The following STARD13 variants were observed in gnomAD, a reference collection of about 807,000 sequenced individuals.
The protein encoded by STARD13 is stAR-related lipid transfer protein 13.
A neutral mutation model predicts 106.4 loss-of-function variants in STARD13; 62 were observed. The ratio of observed to expected loss-of-function variants is 0.58; its 90% confidence interval spans 0.48 to 0.72. The LOEUF is 0.72. STARD13 is among the 30% of genes least tolerant of loss of function. The pLI, the probability that STARD13 is intolerant of heterozygous loss-of-function variation, is 0.00. For synonymous variants in STARD13, 565 were observed against 553.0 expected (o/e 1.02, Z -0.31); for missense variants, 1,387 against 1,424.0 (o/e 0.97, Z 0.42).
At chr13:33,284,599 T>C (rs906001415) in intron 1 of STARD13, among the ~76,000 whole-genome samples, 1 of 152,110 alleles carries the variant, frequency 6.6e-6, no homozygotes, top group African/African-American at 2.4e-5. Flanking sequence ...ACCAATATAA[T>C]AATTTCTTTT....
intron 1 of STARD13, among the ~76,000 whole-genome samples, chr13:33,306,647 C>T (rs372814010): frequency 6.6e-6 from 1 of 152,008 alleles, no homozygotes; most frequent in Admixed American, 6.6e-5. Context: ...AACAAACAAC[C>T]CCACTAAAAA....
At chr13:33,181,411 G>C (rs1428777005) in intron 1 of STARD13, among the ~76,000 whole-genome samples, 7 of 152,160 alleles carry the variant, frequency 4.6e-5, no homozygotes, top group Admixed American at 4.6e-4. Context: ...CACATTACCA[G>C]ATTGGAAACC....
At chr13:33,455,812 C>T in the STARD13 span, among the ~76,000 whole-genome samples, 21 of 151,974 alleles carry the variant, frequency 1.4e-4, no homozygotes, top group Non-Finnish European at 2.5e-4. Context: ...GGCATGGTGG[C>T]GTGCATCTGT....
At chr13:33,243,256 T>C (rs951875967) in intron 1 of STARD13, among the ~76,000 whole-genome samples, 4 of 152,200 alleles carry the variant, frequency 2.6e-5, no homozygotes, top group African/African-American at 9.7e-5. Context: ...TTACATGTTC[T>C]AAAGCTCTAA....
chr13:33,343,106 GC>G (rs1301975751), intron 1 of STARD13, among the ~76,000 whole-genome samples: 2 of 152,086 alleles, frequency 1.3e-5, no homozygotes, highest in Non-Finnish European at 2.9e-5. Flanking sequence ...TGTCTAGTAG[GC>G]ATTCCAAAGC....
chr13:33,621,429 G>A, the STARD13 span, among the ~76,000 whole-genome samples: 2 of 152,160 alleles, frequency 1.3e-5, no homozygotes, highest in South Asian at 2.1e-4. Context: ...TGTAATCCCA[G>A]CACTTTGGGA....
chr13:33,542,791 C>A, the STARD13 span, among the ~76,000 whole-genome samples: 1 of 152,238 alleles, frequency 6.6e-6, no homozygotes, highest in Non-Finnish European at 1.5e-5. Flanking sequence ...CTTCCCGTCT[C>A]CCCAGCGGCC....
the STARD13 span, among the ~76,000 whole-genome samples, chr13:33,557,194 C>T: frequency 6.6e-6 from 1 of 152,036 alleles, no homozygotes; most frequent in Non-Finnish European, 1.5e-5. Flanking sequence ...TCCTCTCCTT[C>T]TAGTCCCTCT....
At chr13:33,458,277 GTT>G in the STARD13 span, among the ~76,000 whole-genome samples, 3 of 144,040 alleles carry the variant, frequency 2.1e-5, no homozygotes, top group East Asian at 2.0e-4. Flanking sequence ...GTTTTTTGTT[GTT>G]TTTTTTTTTT....
In STARD13 at chr13:33,238,681, T is replaced by G. The variant is rs1889316039; in HGVS notation, c.169+46789A>C. 2.0e-5 allele frequency among the ~76,000 whole-genome samples: 3 copies of G among 152,134 alleles called. No individual in the cohort carries two copies. The South Asian group carries it at 6.2e-4, about 32-fold the overall frequency. On this transcript the variant is annotated intron_variant, in intron 1 of 13. Transcript: ENST00000336934. ...ATGGTCAGTGCTGCCATTTAGTAGT[T>G]GTGGAACCTTGAGAAAGTCACTTAT...
chr13:33,289,999 A>G (rs1048640577), upstream of STARD13, among the ~76,000 whole-genome samples: 1 of 152,038 alleles, frequency 6.6e-6, no homozygotes, highest in African/African-American at 2.4e-5. Flanking sequence ...CAATGCAAAC[A>G]CTCCAAATAC....
chr13:33,595,419 A>C, the STARD13 span, among the ~76,000 whole-genome samples: 7 of 152,214 alleles, frequency 4.6e-5, no homozygotes, highest in Admixed American at 1.3e-4. Flanking sequence ...TTAGATAAGG[A>C]CAGTAGGAGT....
chr13:33,628,637 C>T, the STARD13 span, among the ~76,000 whole-genome samples: 1 of 152,180 alleles, frequency 6.6e-6, no homozygotes, highest in Non-Finnish European at 1.5e-5. Context: ...GAAGAAGGTA[C>T]ACCTGATACA....
chr13:33,564,890 G>A, the STARD13 span, among the ~76,000 whole-genome samples: 2 of 145,030 alleles, frequency 1.4e-5, no homozygotes, highest in Non-Finnish European at 3.0e-5. Context: ...CTACTCGGGA[G>A]GCTGAGGCAG....
intron 1 of STARD13, among the ~76,000 whole-genome samples, chr13:33,177,750 A>AG (rs201993405): frequency 0.063 from 4,168 of 66,300 alleles, 422 homozygotes; most frequent in Non-Finnish European, 0.085. Flanking sequence ...AAGGAAGGAA[A>AG]AAAGGAAGGA....
the STARD13 span, among the ~76,000 whole-genome samples, chr13:33,526,625 A>C: frequency 6.6e-6 from 1 of 152,198 alleles, no homozygotes; most frequent in South Asian, 2.1e-4. Flanking sequence ...GACACTTAAC[A>C]AGCTACAGAC....
intron 1 of STARD13, among the ~76,000 whole-genome samples, chr13:33,318,762 T>C (rs1893438796): frequency 6.6e-6 from 1 of 152,074 alleles, no homozygotes; most frequent in Admixed American, 6.6e-5. Flanking sequence ...GAGATTTGAA[T>C]ATACATCTTC....
At chr13:33,155,074 T>C (rs996216068) in intron 3 of STARD13, among the ~76,000 whole-genome samples, 1 of 152,160 alleles carries the variant, frequency 6.6e-6, no homozygotes, top group African/African-American at 2.4e-5. Flanking sequence ...AGTGACCTCA[T>C]GCACTCTCAG....
the STARD13 span, among the ~76,000 whole-genome samples, chr13:33,417,960 T>C: frequency 3.9e-5 from 6 of 152,246 alleles, no homozygotes; most frequent in African/African-American, 9.6e-5. Context: ...AAATCTGTTA[T>C]AGATCTTTGT....
Sources: gnomAD v4.1 joint callset for allele counts (sites outside exome capture counted in the v4.1 genomes callset) on GRCh38, gnomAD v4.1.1 for gene constraint, MANE v1.5 for transcripts, NCBI Gene and HGNC (gene_info 2026-07-23, HGNC 2026-07-21) for gene names.